ANO7: variants seen among roughly 807,000 people sequenced by gnomAD.
The protein encoded by ANO7 is anoctamin 7, also known as anoctamin-7.
A neutral mutation model predicts 115.8 loss-of-function variants in ANO7; 114 were observed. The ratio of observed to expected loss-of-function variants is 0.98; its 90% CI spans 0.85 to 1.15. The LOEUF is 1.15. Ranked by LOEUF, ANO7 falls within the 50% of genes most tolerant of loss-of-function variation. The pLI is 0.00. For synonymous variants in ANO7, 550 were observed against 498.2 expected (o/e 1.10, Z -1.38); for missense variants, 1,302 against 1,201.2 (o/e 1.08, Z -1.24).
At chr2:241,222,062 G>A (rs988456693) in intron 21 of ANO7, among the ~76,000 whole-genome samples, 16 of 151,644 alleles carry the variant, frequency 1.1e-4, no homozygotes, top group South Asian at 2.1e-4. Flanking sequence ...GTGAAACCCC[G>A]TCTTGACTAA....
In ANO7 at chr2:241,210,524, C is replaced by T; in HGVS notation, c.1515C>T (p.Ile505=). 6.2e-7 allele frequency: 1 copy of T among 1,614,074 alleles called. No individual in the cohort carries two copies. Among genetic ancestry groups the T allele is most frequent in the Non-Finnish European group, 8.5e-7 (1 of 1,180,014 alleles). The change falls in exon 15 of 25, where the codon ATC becomes ATT. Residue 505 remains isoleucine, a synonymous_variant. Transcript: ENST00000674324. ...TAGTGAACCTCGTCTTCATCCTCAT[C>T]CTCTCCAAGATCTATGTATCCCTGG... is the stretch of plus-strand genomic sequence containing the variant. ...GSVVNLVFIL[I]LSKIYVSLAH...
chr2:241,195,639 C>A, intron 3 of ANO7, 64 bp from the exon 4 acceptor site: 2 of 1,529,358 alleles, frequency 1.3e-6, no homozygotes, highest in Non-Finnish European at 1.8e-6. Context: ...ATGCTGGCAT[C>A]CCTTCCCTGG....
At chr2:241,226,420 A>G (rs2069171710), downstream of ANO7, among the ~76,000 whole-genome samples, 1 of 149,672 alleles carries the variant, frequency 6.7e-6, no homozygotes, top group Non-Finnish European at 1.5e-5. Flanking sequence ...AGGGATAAAC[A>G]TGTTCGGCAT....
chr2:241,202,718 A>G (rs962998982), intron 8 of ANO7, among the ~76,000 whole-genome samples: 6 of 152,204 alleles, frequency 3.9e-5, no homozygotes, highest in African/African-American at 7.2e-5. Flanking sequence ...CAGCGTTACC[A>G]TCATCCCTGA....
rs2074836 is a variant in ANO7 at position 241,191,363 on chromosome 2, G to A, written c.166+112G>A. 0.021 allele frequency: 27,727 copies of A among 1,347,648 alleles called. 2,246 individuals are homozygous for A. The East Asian group carries it at 0.21, about 10-fold the overall frequency. The allele number at this position is 1,347,648 out of a possible 1,614,324, so 83.5% of individuals were successfully genotyped here. On this transcript the variant is annotated intron_variant, in intron 3 of 24. Coordinates refer to ENST00000674324, the MANE Select transcript of ANO7 (RefSeq NM_001370694.2). ...GGGTAGCCTCCTCAGTAGCCACTCT[G>A]GGGCCAGTTGCTTGGGGATGGGGCA...
At chr2:241,201,617 A>T (rs2068474838) in intron 7 of ANO7, among the ~76,000 whole-genome samples, 2 of 152,228 alleles carry the variant, frequency 1.3e-5, no homozygotes, top group Non-Finnish European at 2.9e-5. Context: ...ATCTATGGAC[A>T]TGTGGGACAG....
At chr2:241,236,411 G>A in the ANO7 span, 626 of 596,758 alleles carry the variant, frequency 1.0e-3, 13 homozygotes, top group East Asian at 0.017. Context: ...ATAGAACCCC[G>A]AGCCTTGGTG....
intron 2 of ANO7, among the ~76,000 whole-genome samples, chr2:241,190,873 C>G (rs999275796): frequency 3.3e-5 from 5 of 152,216 alleles, no homozygotes; most frequent in Non-Finnish European, 7.4e-5. Context: ...CTGGTCCTGG[C>G]CATGCTTCCC....
intron 15 of ANO7, 109 bp from the exon 16 acceptor site, chr2:241,211,985 T>C (rs753686387): frequency 1.5e-5 from 11 of 729,244 alleles, no homozygotes; most frequent in Admixed American, 4.4e-5. Context: ...ATCTGGATGA[T>C]ATGGCCTTTT....
chr2:241,206,093 T>C (rs71430317), intron 10 of ANO7, among the ~76,000 whole-genome samples: 6 of 10,382 alleles, frequency 5.8e-4, no homozygotes, highest in Admixed American at 1.1e-3. Flanking sequence ...TGCTCCCAGG[T>C]TGACACAAGT....
At chr2:241,217,159 C>T (rs1430266074) in intron 19 of ANO7, among the ~76,000 whole-genome samples, 1 of 152,184 alleles carries the variant, frequency 6.6e-6, no homozygotes, top group Non-Finnish European at 1.5e-5. Context: ...AGCAAGCGGG[C>T]ATGTGAGCCG....
At chr2:241,235,768 T>A in the ANO7 span, 1 of 576,608 alleles carries the variant, frequency 1.7e-6, no homozygotes, top group Non-Finnish European at 3.1e-6. Flanking sequence ...TAGGAAAAGA[T>A]TTGCATTAGG....
Position 241,195,937 on chromosome 2 carries a change from C to CA in ANO7, c.309+93dup, listed in dbSNP as rs141256141. On this transcript the variant is annotated intron_variant, in intron 4 of 24. Coordinates refer to ENST00000674324, the MANE Select transcript of ANO7 (RefSeq NM_001370694.2). ...GCATGAGGCCTGAGGGCATGGTGTC[C>CA]AGAGTCCCAGAGCAGATCAGGCCCC... 5,675 of 1,610,300 alleles carry CA rather than the reference C, an allele frequency of 3.5e-3. 13 individuals carry two copies. Among genetic ancestry groups the CA allele is most frequent in the Non-Finnish European group, 4.4e-3 (5,146 of 1,178,628 alleles).
At chr2:241,191,476 G>C (rs1450905417) in intron 3 of ANO7, among the ~76,000 whole-genome samples, 1 of 152,138 alleles carries the variant, frequency 6.6e-6, no homozygotes, top group Non-Finnish European at 1.5e-5. Context: ...GGCCGGAAGG[G>C]CTCTGGAGAG....
intron 4 of ANO7, 105 bp downstream of exon 4, chr2:241,195,950 C>A (rs1445776405): frequency 1.3e-6 from 2 of 1,599,022 alleles, no homozygotes; most frequent in Non-Finnish European, 1.7e-6. Flanking sequence ...AGTCCCAGAG[C>A]AGATCAGGCC....
chr2:241,220,424 T>C lies in ANO7; in HGVS notation c.2321+2043T>C, dbSNP rs572351496. 8.0e-5 allele frequency among the ~76,000 whole-genome samples: 12 copies of C among 150,488 alleles called. 1 individual carries two copies. Among genetic ancestry groups the C allele is most frequent in the African/African-American group, 2.5e-4 (10 of 39,878 alleles). On this transcript the variant is annotated intron_variant, in intron 21 of 24. Coordinates refer to ENST00000674324, the MANE Select transcript of ANO7 (RefSeq NM_001370694.2). ...ATTTAAGAATTTTTCTGGCTGGGCA[T>C]GGTACCTCATGCTTATAATCCCAGC... is the stretch of plus-strand genomic sequence containing the variant.
chr2:241,204,838 G>C (rs1385597056), intron 9 of ANO7, 27 bp from the exon 10 acceptor site: 1 of 1,600,154 alleles, frequency 6.2e-7, no homozygotes, highest in Non-Finnish European at 8.6e-7. Flanking sequence ...GGTTCCTGAT[G>C]GTGGACCCCT....
intron 2 of ANO7, 50 bp from the exon 3 acceptor site, chr2:241,191,115 CAGGGTGGGGCGGGGTGGGTGTAGTTGTCG>C (rs1380879342): frequency 3.3e-5 from 50 of 1,529,008 alleles, no homozygotes; most frequent in Non-Finnish European, 4.3e-5. Context: ...AGGACGGCTT[CAGGGTGGGGCGGGGTGGGTGTAGTTGTCG>C]AGGGCAGATG....
chr2:241,216,492 G>A lies in ANO7; in HGVS notation c.1972+254G>A, dbSNP rs112579151. ...CGGGGAGGAGGCCCCCGCGGCCGTT[G>A]CAGAGCTCCCCTGGGGTCCCTGGAC... On this transcript the variant is annotated intron_variant, in intron 19 of 24. Transcript: ENST00000674324. Among the ~76,000 whole-genome samples, 6 of 152,240 alleles carry A rather than the reference G, an allele frequency of 3.9e-5. 1 individual carries two copies. Among genetic ancestry groups the A allele is most frequent in the Admixed American group, 3.9e-4 (6 of 15,290 alleles).
Sources: allele counts gnomAD v4.1 joint callset (sites outside exome capture counted in the v4.1 genomes callset), GRCh38; gene constraint gnomAD v4.1.1; transcripts MANE v1.5; gene names NCBI Gene and HGNC (gene_info 2026-07-23, HGNC 2026-07-21).